PCDH15: variants seen among roughly 807,000 people sequenced by gnomAD.
PCDH15 encodes protocadherin-15.
PCDH15 carries 129 observed loss-of-function variants against 178.5 expected under a neutral mutation model. That is an observed-to-expected ratio of 0.72 (90% CI 0.63 to 0.84). The LOEUF is 0.84. Ranked by LOEUF, PCDH15 falls within the 40% of genes least tolerant of loss-of-function variation. The pLI is 0.00. For synonymous variants in PCDH15, 800 were observed against 732.0 expected (o/e 1.09, Z -1.50); for missense variants, 2,230 against 2,099.9 (o/e 1.06, Z -1.21).
intron 9 of PCDH15, among the ~76,000 whole-genome samples, chr10:54,226,039 A>G (rs12355923): frequency 0.57 from 87,058 of 152,070 alleles, 27,691 homozygotes; most frequent in Middle Eastern, 0.72. Context: ...AGAGAGAGAG[A>G]GAGGGATTGA....
chr10:55,011,436 GTGCTATGGAGTCT>G (rs1378222862), intron 2 of PCDH15, among the ~76,000 whole-genome samples: 2 of 152,056 alleles, frequency 1.3e-5, no homozygotes, highest in Non-Finnish European at 2.9e-5. Flanking sequence ...GTTAATTAAA[GTGCTATGGAGTCT>G]TTTCTTAAAC....
At chr10:55,505,511 C>T (rs186190044) in intron 2 of PCDH15, among the ~76,000 whole-genome samples, 1 of 151,284 alleles carries the variant, frequency 6.6e-6, no homozygotes, top group Admixed American at 6.6e-5. Flanking sequence ...ACAGATGACT[C>T]AAAAATCTTG....
chr10:54,447,563 T>A (rs1200145238), intron 3 of PCDH15, among the ~76,000 whole-genome samples: 1 of 151,702 alleles, frequency 6.6e-6, no homozygotes, highest in Non-Finnish European at 1.5e-5. Context: ...CATGACAGGA[T>A]TTCTTTCCTT....
chr10:55,103,284 TA>T (rs1842613013), intron 2 of PCDH15, among the ~76,000 whole-genome samples: 1 of 152,122 alleles, frequency 6.6e-6, no homozygotes, highest in South Asian at 2.1e-4. Context: ...AATATCAATT[TA>T]TTTTCTAGCA....
At chr10:54,977,844 A>C (rs1442527650) in intron 2 of PCDH15, among the ~76,000 whole-genome samples, 1 of 152,204 alleles carries the variant, frequency 6.6e-6, no homozygotes, top group African/African-American at 2.4e-5. Flanking sequence ...TGTATTTATC[A>C]TAAAGATATT....
In PCDH15 at chr10:54,349,924, T is replaced by C. The variant is rs1464122351; in HGVS notation, c.475-3440A>G. Among the ~76,000 whole-genome samples the C allele has an allele frequency of 2.0e-5, 3 of 152,160 alleles. No individual in the cohort carries two copies. The East Asian group carries it at 5.8e-4, about 29-fold the overall frequency. Reference sequence around the variant, plus strand: ...AGGTAAATTTCCCTAATCATATTTGTGTGGCCATATATACTTTTATTATTT... The same window carrying C: ...AGGTAAATTTCCCTAATCATATTTGCGTGGCCATATATACTTTTATTATTT... On this transcript the variant is annotated intron_variant, in intron 5 of 37. Coordinates refer to ENST00000644397, the MANE Select transcript of PCDH15 (RefSeq NM_001384140.1).
At chr10:54,309,320 TACACAC>T (rs71984217) in intron 8 of PCDH15, among the ~76,000 whole-genome samples, 4,432 of 146,216 alleles carry the variant, frequency 0.03, 194 homozygotes, top group African/African-American at 0.09. Context: ...TATACGTACA[TACACAC>T]ACACACACAC....
intron 2 of PCDH15, among the ~76,000 whole-genome samples, chr10:55,607,170 G>A (rs2132154304): frequency 6.6e-6 from 1 of 150,938 alleles, no homozygotes; most frequent in African/African-American, 2.4e-5. Context: ...CTGGCCATCA[G>A]AGAAATGCAA....
chr10:55,160,675 G>A (rs1488860902), intron 2 of PCDH15, among the ~76,000 whole-genome samples: 2 of 152,012 alleles, frequency 1.3e-5, no homozygotes, highest in African/African-American at 4.8e-5. Context: ...TAAGCATCTT[G>A]TTGATGCAGA....
intron 2 of PCDH15, among the ~76,000 whole-genome samples, chr10:55,549,427 A>G (rs544300207): frequency 1.6e-4 from 24 of 152,272 alleles, no homozygotes; most frequent in Middle Eastern, 3.4e-3. Flanking sequence ...GTATGCATCA[A>G]TTGAACATCA....
chr10:54,833,132 T>A (rs955658252), intron 3 of PCDH15, among the ~76,000 whole-genome samples: 1 of 152,152 alleles, frequency 6.6e-6, no homozygotes, highest in African/African-American at 2.4e-5. Context: ...CACCTAACAA[T>A]ACCATGATGC....
chr10:53,940,806 A>G, intron 24 of PCDH15, 60 bp downstream of exon 24: 1 of 1,246,448 alleles, frequency 8.0e-7, no homozygotes, highest in Non-Finnish European at 1.2e-6. Flanking sequence ...TCAATCTGAA[A>G]TTAGGCCAAA....
At chr10:54,544,218 T>G (rs2085580635) in intron 2 of PCDH15, among the ~76,000 whole-genome samples, 1 of 152,182 alleles carries the variant, frequency 6.6e-6, no homozygotes, top group Non-Finnish European at 1.5e-5. Flanking sequence ...AGTATGCATA[T>G]GTACAAATGA....
At chr10:55,501,799 G>GGAC (rs1208346580) in intron 2 of PCDH15, among the ~76,000 whole-genome samples, 2 of 151,520 alleles carry the variant, frequency 1.3e-5, no homozygotes, top group East Asian at 3.9e-4. Flanking sequence ...ATGGTGAAAT[G>GGAC]GACAGTACCA....
At chr10:54,032,544 GA>G (rs1163231009) in intron 18 of PCDH15, among the ~76,000 whole-genome samples, 1 of 151,700 alleles carries the variant, frequency 6.6e-6, no homozygotes, top group African/African-American at 2.4e-5. Context: ...AACACATGAA[GA>G]AATAAAAATT....
chr10:55,111,710 G>A (rs575754444), intron 2 of PCDH15, among the ~76,000 whole-genome samples: 1 of 152,154 alleles, frequency 6.6e-6, no homozygotes, highest in South Asian at 2.1e-4. Context: ...AGGCGTGGTG[G>A]TGCATGCCTG....
intron 2 of PCDH15, among the ~76,000 whole-genome samples, chr10:54,978,245 TAC>T (rs1321940413): frequency 3.3e-5 from 5 of 152,106 alleles, no homozygotes; most frequent in African/African-American, 1.2e-4. Context: ...ATTATATAAG[TAC>T]ACAGGGAGTC....
intron 2 of PCDH15, chr10:54,528,478 G>A: frequency 2.6e-5 from 28 of 1,097,524 alleles, no homozygotes; most frequent in South Asian, 4.4e-5. Flanking sequence ...GAGAATATAT[G>A]TATATATTTA....
chr10:55,275,401 A>G (rs1842564227), intron 1 of PCDH15, among the ~76,000 whole-genome samples: 1 of 151,976 alleles, frequency 6.6e-6, no homozygotes, highest in South Asian at 2.1e-4. Flanking sequence ...AATTCTTCCC[A>G]ATATCTCTAT....
Sources: gnomAD v4.1 joint callset for allele counts (sites outside exome capture counted in the v4.1 genomes callset) on GRCh38, gnomAD v4.1.1 for gene constraint, MANE v1.5 for transcripts, NCBI Gene and HGNC (gene_info 2026-07-23, HGNC 2026-07-21) for gene names.